Variants in ROBO2 observed in about 807,000 individuals in gnomAD.
The protein encoded by ROBO2 is roundabout homolog 2.
In ROBO2, 53 loss-of-function variants were observed where a neutral mutation model predicts 160.8. The ratio of observed to expected loss-of-function variants is 0.33; its 90% CI spans 0.26 to 0.41. ROBO2 has a LOEUF of 0.41. ROBO2 is among the 10% of genes least tolerant of loss of function. The probability of loss-of-function intolerance (pLI) is 1.00; values close to 1 mark genes in which losing one functional copy is unlikely to be tolerated. For synonymous variants in ROBO2, 664 were observed against 611.7 expected (o/e 1.09, Z -1.26); for missense variants, 1,577 against 1,722.4 (o/e 0.92, Z 1.49).
intron 2 of ROBO2, among the ~76,000 whole-genome samples, chr3:77,219,923 A>T (rs2151186460): frequency 6.6e-6 from 1 of 151,800 alleles, no homozygotes; most frequent in Admixed American, 6.6e-5. Flanking sequence ...ATATGGAAAC[A>T]ATGACATATC....
At chr3:76,261,311 A>G (rs1706746791) in intron 2 of ROBO2, among the ~76,000 whole-genome samples, 1 of 151,444 alleles carries the variant, frequency 6.6e-6, no homozygotes, top group South Asian at 2.1e-4. Flanking sequence ...TTACCTGGAG[A>G]GTCTTTACCT....
At chr3:76,150,507 C>T (rs1467471509) in intron 2 of ROBO2, among the ~76,000 whole-genome samples, 1 of 151,960 alleles carries the variant, frequency 6.6e-6, no homozygotes, top group Non-Finnish European at 1.5e-5. Flanking sequence ...CTAAAACACA[C>T]ATTTGTCTAA....
At chr3:76,619,640 GT>G (rs1376839473) in intron 2 of ROBO2, among the ~76,000 whole-genome samples, 1 of 152,186 alleles carries the variant, frequency 6.6e-6, no homozygotes, top group African/African-American at 2.4e-5. Context: ...GAGAGACTCA[GT>G]GAAGGACATT....
At chr3:77,337,222 C>G (rs1170080700) in intron 2 of ROBO2, among the ~76,000 whole-genome samples, 1 of 152,110 alleles carries the variant, frequency 6.6e-6, no homozygotes, top group Admixed American at 6.6e-5. Flanking sequence ...CTTCAAATAT[C>G]TTTTTGTTCT....
chr3:76,830,518 A>T (rs2109307628), intron 2 of ROBO2, among the ~76,000 whole-genome samples: 1 of 152,282 alleles, frequency 6.6e-6, no homozygotes, highest in African/African-American at 2.4e-5. Flanking sequence ...CTTGCATAAT[A>T]AACTATATTA....
intron 2 of ROBO2, among the ~76,000 whole-genome samples, chr3:77,362,470 C>G (rs1393449111): frequency 6.6e-6 from 1 of 152,084 alleles, no homozygotes; most frequent in Admixed American, 6.6e-5. Context: ...GAAGAACCTG[C>G]TCATATATTG....
At chr3:77,239,532 C>T (rs543979110) in intron 2 of ROBO2, among the ~76,000 whole-genome samples, 72 of 152,296 alleles carry the variant, frequency 4.7e-4, no homozygotes, top group Non-Finnish European at 5.9e-5. Context: ...ACTGCTGGCT[C>T]AGGCAGCCTA....
chr3:76,118,522 T>C (rs1310746132), intron 2 of ROBO2, among the ~76,000 whole-genome samples: 1 of 152,174 alleles, frequency 6.6e-6, no homozygotes, highest in Non-Finnish European at 1.5e-5. Flanking sequence ...TCAGATTCTT[T>C]CCCTTCAAAA....
intron 2 of ROBO2, among the ~76,000 whole-genome samples, chr3:76,862,988 A>T (rs921426623): frequency 7.0e-6 from 1 of 142,866 alleles, no homozygotes; most frequent in African/African-American, 2.9e-5. Context: ...TTGCAGATAA[A>T]GTCAGCTTTC....
Position 76,030,425 on chromosome 3 carries a change from T to A in ROBO2, c.109+92823T>A, listed in dbSNP as rs570100594. Among the ~76,000 whole-genome samples, 107 of 152,304 alleles carry A rather than the reference T, an allele frequency of 7.0e-4. 1 individual carries two copies. The South Asian group carries it at 0.022, about 31-fold the overall frequency. ...GATGCCGTTGCTTTTGGTGTTTTAGTCATGAAGTCCTTGCCCATGCCTATG... is the reference window on the plus strand; with the variant it reads ...GATGCCGTTGCTTTTGGTGTTTTAGACATGAAGTCCTTGCCCATGCCTATG... On this transcript the variant is annotated intron_variant, in intron 2 of 26. Transcript: ENST00000487694.
At chr3:76,831,794 C>T (rs1281628222) in intron 2 of ROBO2, among the ~76,000 whole-genome samples, 1 of 152,008 alleles carries the variant, frequency 6.6e-6, no homozygotes, top group Non-Finnish European at 1.5e-5. Flanking sequence ...TTCATTAGAC[C>T]ACATACCTAA....
intron 2 of ROBO2, among the ~76,000 whole-genome samples, chr3:77,223,342 A>G (rs964597905): frequency 2.0e-5 from 3 of 152,146 alleles, no homozygotes; most frequent in Admixed American, 6.6e-5. Flanking sequence ...AAATAGTTAC[A>G]TTTAACGGAT....
At chr3:77,266,635 C>G (rs2059142006) in intron 2 of ROBO2, among the ~76,000 whole-genome samples, 1 of 152,038 alleles carries the variant, frequency 6.6e-6, no homozygotes, top group Non-Finnish European at 1.5e-5. Flanking sequence ...AACTTTGGAC[C>G]AGGAAGACTT....
chr3:77,542,800 TC>T (rs1403442445), intron 6 of ROBO2, among the ~76,000 whole-genome samples: 6 of 152,204 alleles, frequency 3.9e-5, no homozygotes, highest in Non-Finnish European at 7.4e-5. Flanking sequence ...CAGCTCTTTG[TC>T]TTTGCTCTTT....
rs182662275 is a variant in ROBO2, at chr3:76,052,953, T to G, written c.109+115351T>G. Among the ~76,000 whole-genome samples the G allele has an allele frequency of 5.9e-5, 9 of 152,144 alleles. No individual in the cohort carries two copies. The East Asian group carries it at 1.7e-3, about 29-fold the overall frequency. On this transcript the variant is annotated intron_variant, in intron 2 of 26. Transcript: ENST00000487694. ...TCTGGATTTTTTTCCTTAAGAAATA[T>G]AACCTTTGGTTATTTATATTTTAAA... is the stretch of plus-strand genomic sequence containing the variant.
intron 2 of ROBO2, among the ~76,000 whole-genome samples, chr3:76,446,536 A>T (rs561831427): frequency 6.6e-6 from 1 of 152,144 alleles, no homozygotes; most frequent in South Asian, 2.1e-4. Context: ...ATTGGAAAAA[A>T]CTACTTTAAA....
At chr3:77,388,928 GATTT>G (rs1157129115) in intron 2 of ROBO2, among the ~76,000 whole-genome samples, 1 of 152,240 alleles carries the variant, frequency 6.6e-6, no homozygotes, top group Admixed American at 6.5e-5. Flanking sequence ...GGGTTTTTCT[GATTT>G]ATTTATTTAT....
intron 2 of ROBO2, among the ~76,000 whole-genome samples, chr3:76,181,977 T>C (rs1559619066): frequency 6.6e-6 from 1 of 152,180 alleles, no homozygotes; most frequent in Non-Finnish European, 1.5e-5. Context: ...TTTTTATTTC[T>C]AACAGGAAGC....
At chr3:77,052,685 A>G (rs2065343161) in intron 1 of ROBO2, among the ~76,000 whole-genome samples, 1 of 152,226 alleles carries the variant, frequency 6.6e-6, no homozygotes, top group African/African-American at 2.4e-5. Flanking sequence ...ATAATATCCC[A>G]AATGAACACT....
Sources: gnomAD v4.1 joint callset for allele counts (sites outside exome capture counted in the v4.1 genomes callset) on GRCh38, gnomAD v4.1.1 for gene constraint, MANE v1.5 for transcripts, NCBI Gene and HGNC (gene_info 2026-07-23, HGNC 2026-07-21) for gene names.